Variants in SRPRA observed in about 807,000 individuals in gnomAD.
SRPRA encodes the protein signal recognition particle receptor subunit alpha.
A neutral mutation model predicts 61.1 loss-of-function variants in SRPRA; 30 were observed. That is an observed-to-expected ratio of 0.49 (90% CI 0.37 to 0.67). SRPRA has a LOEUF of 0.67. SRPRA is among the 30% of genes least tolerant of loss of function. The pLI is 0.00. For synonymous variants in SRPRA, 324 were observed against 299.7 expected, an observed-to-expected ratio of 1.08 and a Z score of -0.84; for missense variants, 759 against 828.4, an observed-to-expected ratio of 0.92 and a Z score of 1.03.
the SRPRA span, among the ~76,000 whole-genome samples, chr11:126,247,269 T>A: frequency 2.0e-5 from 3 of 152,184 alleles, no homozygotes; most frequent in Non-Finnish European, 2.9e-5. Flanking sequence ...TCCAGCTTGG[T>A]GACAGAGCCA....
downstream of SRPRA, among the ~76,000 whole-genome samples, chr11:126,260,188 A>G (rs1310771747): frequency 2.0e-5 from 3 of 151,678 alleles, no homozygotes; most frequent in African/African-American, 2.4e-5. Context: ...ACATACCACA[A>G]TGCCCAGCTA....
chr11:126,264,932 AG>A lies in SRPRA; in HGVS notation c.1525+26del. The A allele has an allele frequency of 6.3e-7, 1 of 1,594,912 alleles. No homozygotes were observed. Among genetic ancestry groups the A allele is most frequent in the Non-Finnish European group, 8.5e-7 (1 of 1,170,586 alleles). On this transcript the variant is annotated intron_variant, in intron 11 of 13. Transcript: ENST00000332118. The surrounding 1 kb of genome is among the most constrained non-coding windows in gnomAD (Gnocchi z 5.0). ...CAAGGAGAAAAAGGGACCCCAAATA[AG>A]CCCCCACACTTCCCATGCACTGTAC...
the SRPRA span, chr11:126,240,884 CA>C: frequency 6.2e-7 from 1 of 1,614,180 alleles, no homozygotes; most frequent in Non-Finnish European, 8.5e-7. Flanking sequence ...CCCCAAGTTC[CA>C]GCCCTCAAAT....
At chr11:126,239,491 A>T in the SRPRA span, among the ~76,000 whole-genome samples, 1 of 151,962 alleles carries the variant, frequency 6.6e-6, no homozygotes, top group Admixed American at 6.6e-5. Context: ...ACTGAAACTC[A>T]TTTTTCATCA....
At chr11:126,262,614 A>C (rs1358895039), downstream of SRPRA, 2 of 155,788 alleles carry the variant, frequency 1.3e-5, no homozygotes, top group African/African-American at 4.8e-5. Flanking sequence ...AGTATTTTAC[A>C]TAACTAAGCT....
chr11:126,259,212 G>C (rs2135221010), downstream of SRPRA, among the ~76,000 whole-genome samples: 1 of 152,186 alleles, frequency 6.6e-6, no homozygotes, highest in South Asian at 2.1e-4. Flanking sequence ...ACTAATGAGA[G>C]GTTACAGGTC....
chr11:126,243,355 T>G, the SRPRA span, among the ~76,000 whole-genome samples: 1 of 151,022 alleles, frequency 6.6e-6, no homozygotes, highest in Non-Finnish European at 1.5e-5. Context: ...GCCCAACGCT[T>G]TGGAAGGATG....
At position 126,264,632 on chromosome 11, in the gene SRPRA, T is replaced by A. The variant is rs1251597715; in HGVS notation, c.1526-93A>T. The A allele has an allele frequency of 7.6e-6, 11 of 1,447,052 alleles. No individual in the cohort carries two copies. The highest frequency in any genetic ancestry group is 1.0e-5 in the Non-Finnish European group (11 of 1,064,740). 89.6% of individuals were successfully genotyped at this position (1,447,052 alleles called of 1,614,324 possible). A position where few individuals can be genotyped will look rare whatever the true frequency, so the allele number is the denominator to read the frequency against. ...CAAAAAGTCCTAGTTTGACTACCTG[T>A]TCACTGTCTTGGGCTCTGGATTTGG... On this transcript the variant is annotated intron_variant, in intron 11 of 13. Transcript: ENST00000332118. This position sits in a 1 kb window ranked among gnomAD's most constrained non-coding sequence, Gnocchi z 5.0.
chr11:126,260,337 C>T (rs685409), downstream of SRPRA: 124,578 of 151,996 alleles, frequency 0.82, 51,313 homozygotes, highest in East Asian at 1. Flanking sequence ...CTGGCCTTGG[C>T]ACATTTCTGA....
At chr11:126,262,101 CTT>C (rs760144208), downstream of SRPRA, 43 of 1,613,802 alleles carry the variant, frequency 2.7e-5, no homozygotes, top group Admixed American at 1.2e-4. Flanking sequence ...ATTTTGTTCT[CTT>C]TTCTTTCTCC....
the SRPRA span, among the ~76,000 whole-genome samples, chr11:126,251,051 T>C: frequency 2.0e-5 from 3 of 152,252 alleles, no homozygotes; most frequent in African/African-American, 7.2e-5. Flanking sequence ...ATATTGATAA[T>C]GCTGGTTCTA....
the SRPRA span, among the ~76,000 whole-genome samples, chr11:126,240,046 A>G: frequency 6.6e-6 from 1 of 152,194 alleles, no homozygotes; most frequent in African/African-American, 2.4e-5. Flanking sequence ...GTGAAGGAAC[A>G]TATTTCAAGC....
the SRPRA span, among the ~76,000 whole-genome samples, chr11:126,241,949 C>T: frequency 2.7e-5 from 4 of 149,902 alleles, no homozygotes; most frequent in East Asian, 2.0e-4. Context: ...GGCTTGAACC[C>T]GGGAGGTGGA....
At chr11:126,249,317 T>A in the SRPRA span, among the ~76,000 whole-genome samples, 5 of 152,242 alleles carry the variant, frequency 3.3e-5, no homozygotes, top group Non-Finnish European at 7.3e-5. Context: ...TTGTTTACGT[T>A]AACCTTTTGT....
chr11:126,246,450 A>G, the SRPRA span, among the ~76,000 whole-genome samples: 1 of 152,204 alleles, frequency 6.6e-6, no homozygotes, highest in Non-Finnish European at 1.5e-5. Flanking sequence ...TAACTTGTCA[A>G]CATCTGTTTT....
intron 6 of SRPRA, 65 bp from the exon 7 acceptor site, chr11:126,266,343 T>A (rs1382573691): frequency 6.3e-7 from 1 of 1,593,826 alleles, no homozygotes; most frequent in Non-Finnish European, 8.6e-7. Flanking sequence ...AACGTCCACA[T>A]TGCTCTATCT....
chr11:126,250,854 G>T, the SRPRA span: 2 of 699,324 alleles, frequency 2.9e-6, no homozygotes, highest in African/African-American at 1.8e-5. The surrounding 1 kb of genome is among the most constrained non-coding windows in gnomAD (Gnocchi z 5.1). Context: ...TTTTTTCCCT[G>T]GTTGGAGTTT....
chr11:126,242,265 A>T, the SRPRA span, among the ~76,000 whole-genome samples: 1 of 152,152 alleles, frequency 6.6e-6, no homozygotes, highest in South Asian at 2.1e-4. Flanking sequence ...GACTTCTCCA[A>T]AGTTAAAAAC....
Position 126,267,964 on chromosome 11 carries a change from G to A in SRPRA, c.201+39C>T. ...GAGTTCTCTTAAAAATCAGGGCTATGTTAACAATGCAATCGTCCCTCTACA... is the reference window on the plus strand; with the variant it reads ...GAGTTCTCTTAAAAATCAGGGCTATATTAACAATGCAATCGTCCCTCTACA... On this transcript the variant is annotated intron_variant, in intron 2 of 13. Transcript: ENST00000332118. This position sits in a 1 kb window ranked among gnomAD's most constrained non-coding sequence, Gnocchi z 4.2. The A allele has an allele frequency of 1.3e-6, 2 of 1,592,710 alleles. No individual in the cohort carries two copies. The highest frequency in any genetic ancestry group is 1.7e-6 in the Non-Finnish European group (2 of 1,160,722).
Sources: allele counts gnomAD v4.1 joint callset (sites outside exome capture counted in the v4.1 genomes callset), GRCh38; gene constraint gnomAD v4.1.1; non-coding constraint Gnocchi (gnomAD v3.1); transcripts MANE v1.5; gene names NCBI Gene and HGNC (gene_info 2026-07-23, HGNC 2026-07-21).